Variants in LIN52 observed in about 807,000 individuals in gnomAD.
The protein encoded by LIN52 is protein lin-52 homolog.
Under a neutral mutation model 18.5 loss-of-function variants are expected in LIN52, and 4 were observed. The ratio of observed to expected loss-of-function variants is 0.22; its 90% CI spans 0.11 to 0.49. The LOEUF (loss-of-function observed/expected upper bound fraction) is 0.49. Ranked by LOEUF, LIN52 falls within the 20% of genes least tolerant of loss-of-function variation. The pLI, the probability that LIN52 is intolerant of heterozygous loss-of-function variation, is 0.97. For synonymous variants in LIN52, 34 were observed against 45.5 expected (o/e 0.75, Z 1.02); for missense variants, 102 against 139.5 (o/e 0.73, Z 1.35).
chr14:74,176,251 C>T (rs1260543793), intron 5 of LIN52, among the ~76,000 whole-genome samples: 1 of 152,074 alleles, frequency 6.6e-6, no homozygotes, highest in Non-Finnish European at 1.5e-5. Context: ...AAACTTCCAC[C>T]TCCTGGGTTC....
chr14:74,114,534 A>AT, intron 5 of LIN52: 1 of 621,296 alleles, frequency 1.6e-6, no homozygotes, highest in Non-Finnish European at 2.0e-6. Flanking sequence ...ATTAGAGCTT[A>AT]CCATGATGTT....
intron 5 of LIN52, among the ~76,000 whole-genome samples, chr14:74,176,768 A>G (rs1238600530): frequency 6.6e-6 from 1 of 152,206 alleles, no homozygotes; most frequent in African/African-American, 2.4e-5. Flanking sequence ...TACTTCAGCT[A>G]TCAGCACAGT....
At chr14:74,195,001 C>G (rs1426164741) in intron 5 of LIN52, among the ~76,000 whole-genome samples, 1 of 152,100 alleles carries the variant, frequency 6.6e-6, no homozygotes, top group Non-Finnish European at 1.5e-5. Context: ...AAAGAATTAG[C>G]CAAGTGTGGT....
intron 5 of LIN52, among the ~76,000 whole-genome samples, chr14:74,169,464 A>C (rs1837933970): frequency 2.0e-5 from 3 of 152,122 alleles, no homozygotes; most frequent in African/African-American, 7.2e-5. Context: ...TCTCTCCAGC[A>C]TCATAAGTCT....
intron 5 of LIN52, among the ~76,000 whole-genome samples, chr14:74,105,782 A>G (rs1197172301): frequency 6.6e-6 from 1 of 152,214 alleles, no homozygotes; most frequent in African/African-American, 2.4e-5. Context: ...ACTGATAAAG[A>G]TGATGGAAAG....
At chr14:74,116,242 G>GT (rs2060963731) in intron 5 of LIN52, among the ~76,000 whole-genome samples, 2 of 152,204 alleles carry the variant, frequency 1.3e-5, no homozygotes, top group African/African-American at 4.8e-5. Flanking sequence ...GGTGGAGGTT[G>GT]TAGTGGGCCA....
At chr14:74,149,715 A>G (rs1223225686) in intron 5 of LIN52, among the ~76,000 whole-genome samples, 3 of 152,208 alleles carry the variant, frequency 2.0e-5, no homozygotes, top group African/African-American at 7.2e-5. Flanking sequence ...GTTGAAATAT[A>G]TAATATCTTT....
intron 5 of LIN52, among the ~76,000 whole-genome samples, chr14:74,127,419 G>T (rs1403902807): frequency 6.6e-6 from 1 of 152,174 alleles, no homozygotes; most frequent in East Asian, 1.9e-4. Context: ...TGTCTTTGAA[G>T]AACTGAAAGA....
intron 1 of LIN52, among the ~76,000 whole-genome samples, chr14:74,086,350 A>G (rs775252096): frequency 1.5e-4 from 23 of 152,180 alleles, no homozygotes; most frequent in Non-Finnish European, 2.9e-4. Context: ...GAGCGCAGGT[A>G]CATACTGTAT....
At chr14:74,110,481 C>T (rs1595156876) in intron 5 of LIN52, among the ~76,000 whole-genome samples, 2 of 152,178 alleles carry the variant, frequency 1.3e-5, no homozygotes, top group East Asian at 1.9e-4. Context: ...GAGTTTGAGA[C>T]CAGCCTGGCC....
Position 74,182,805 on chromosome 14 carries a change from T to C in LIN52, c.284-16117T>C. Among the ~76,000 whole-genome samples the C allele has an allele frequency of 1.3e-5, 2 of 152,140 alleles. 1 individual carries two copies. The highest frequency in any genetic ancestry group is 4.8e-5 in the African/African-American group (2 of 41,432). ...TCTTTCTCTCCACTTGCCAGCAAAT[T>C]TTGTAGAAGCAACATGTTAAGCCGG... On this transcript the variant is annotated intron_variant, in intron 5 of 5. Transcript: ENST00000555028.
intron 5 of LIN52, among the ~76,000 whole-genome samples, chr14:74,178,740 G>A (rs2061303956): frequency 6.6e-6 from 1 of 151,792 alleles, no homozygotes; most frequent in Non-Finnish European, 1.5e-5. Context: ...GATTACAGGT[G>A]TGAGCCACCA....
intron 5 of LIN52, among the ~76,000 whole-genome samples, chr14:74,164,968 C>T (rs544151863): frequency 1.3e-5 from 2 of 152,226 alleles, no homozygotes; most frequent in Non-Finnish European, 2.9e-5. Context: ...TGATAAATCG[C>T]ATGATTTACC....
At chr14:74,101,084 C>A in intron 4 of LIN52, 71 bp from the exon 5 acceptor site, 1 of 1,259,078 alleles carries the variant, frequency 7.9e-7, no homozygotes, top group South Asian at 1.3e-5. Context: ...AACAAGAGTT[C>A]CCAACCCAAG....
chr14:74,187,749 C>T (rs2139592080), intron 5 of LIN52, among the ~76,000 whole-genome samples: 1 of 152,246 alleles, frequency 6.6e-6, no homozygotes, highest in South Asian at 2.1e-4. Context: ...ATAGCAAAAA[C>T]ATTGTACAGG....
At chr14:74,171,220 A>T (rs1347688099) in intron 5 of LIN52, among the ~76,000 whole-genome samples, 1 of 151,964 alleles carries the variant, frequency 6.6e-6, no homozygotes, top group Non-Finnish European at 1.5e-5. Flanking sequence ...TGTAAAAAAA[A>T]ATTTGCCAGG....
At chr14:74,158,994 C>A (rs955874437) in intron 5 of LIN52, among the ~76,000 whole-genome samples, 6 of 152,144 alleles carry the variant, frequency 3.9e-5, no homozygotes, top group Non-Finnish European at 5.9e-5. Flanking sequence ...CTGCTTCCAA[C>A]TGTATTGCTG....
rs1595196993 is a variant in LIN52, at chr14:74,199,058, G to A, written c.*81G>A. Reference sequence around the variant, plus strand: ...CACCTCTAACAATGCACACCTCACTGCTTGCTTGGGAGAGGCCAGAGGGTG... The same window carrying A: ...CACCTCTAACAATGCACACCTCACTACTTGCTTGGGAGAGGCCAGAGGGTG... On this transcript the variant is annotated 3_prime_UTR_variant, in exon 6 of 6. Transcript: ENST00000555028. 3 of 1,002,260 alleles carry A rather than the reference G, an allele frequency of 3.0e-6. No individual in the cohort carries two copies. The East Asian group carries it at 7.1e-5, about 24-fold the overall frequency. 62.1% of individuals were successfully genotyped at this position (1,002,260 alleles called of 1,614,324 possible). A position where few individuals can be genotyped will look rare whatever the true frequency, so the allele number is the denominator to read the frequency against.
At chr14:74,147,990 G>A (rs921699199) in intron 5 of LIN52, among the ~76,000 whole-genome samples, 3 of 152,110 alleles carry the variant, frequency 2.0e-5, no homozygotes, top group Non-Finnish European at 4.4e-5. Context: ...GTGGGGGAAG[G>A]TGACTTTTAT....
Sources: gnomAD v4.1 joint callset for allele counts (sites outside exome capture counted in the v4.1 genomes callset) on GRCh38, gnomAD v4.1.1 for gene constraint, MANE v1.5 for transcripts, NCBI Gene and HGNC (gene_info 2026-07-23, HGNC 2026-07-21) for gene names.